The following PRELID2 variants were observed in gnomAD, a reference collection of about 807,000 sequenced individuals.
PRELID2 encodes PRELI domain-containing protein 2.
Under a neutral mutation model 28.4 loss-of-function variants are expected in PRELID2, and 25 were observed. That is an observed-to-expected ratio of 0.88 (90% CI 0.64 to 1.23). The LOEUF is 1.23. PRELID2 is among the 50% of genes most tolerant of loss of function. The probability of loss-of-function intolerance (pLI) is 0.00; values close to 1 mark genes in which losing one functional copy is unlikely to be tolerated. For synonymous variants in PRELID2, 76 were observed against 71.6 expected (o/e 1.06, Z -0.31); for missense variants, 201 against 214.4 (o/e 0.94, Z 0.39).
At chr5:145,338,614 T>C in the PRELID2 span, among the ~76,000 whole-genome samples, 4 of 152,228 alleles carry the variant, frequency 2.6e-5, no homozygotes, top group African/African-American at 9.6e-5. Flanking sequence ...CATAGGTAGA[T>C]ATATATTTTT....
At chr5:145,808,407 T>G (rs1400194702) in intron 4 of PRELID2, among the ~76,000 whole-genome samples, 1 of 152,082 alleles carries the variant, frequency 6.6e-6, no homozygotes, top group African/African-American at 2.4e-5. Flanking sequence ...CCAAAAAATA[T>G]GCCCAATTAG....
At chr5:145,733,432 G>C (rs537018953) in intron 1 of PRELID2, among the ~76,000 whole-genome samples, 17 of 152,274 alleles carry the variant, frequency 1.1e-4, no homozygotes, top group Middle Eastern at 3.4e-3. Flanking sequence ...GGTTAATTGA[G>C]AAAGTGAATA....
chr5:145,724,136 T>C (rs772846377), intron 1 of PRELID2, among the ~76,000 whole-genome samples: 1 of 152,112 alleles, frequency 6.6e-6, no homozygotes, highest in African/African-American at 2.4e-5. Context: ...AGTAGTTAAT[T>C]ACAAAGGGAA....
chr5:145,277,801 C>T, the PRELID2 span, among the ~76,000 whole-genome samples: 1 of 152,296 alleles, frequency 6.6e-6, no homozygotes, highest in Middle Eastern at 3.4e-3. Flanking sequence ...CTCACTGGGC[C>T]ATTCTAGCTT....
the PRELID2 span, among the ~76,000 whole-genome samples, chr5:145,388,393 G>C: frequency 6.6e-6 from 1 of 152,104 alleles, no homozygotes; most frequent in East Asian, 1.9e-4. Flanking sequence ...CAACTAACAA[G>C]TATCTAGGCA....
At chr5:145,719,174 T>C (rs1755920486) in intron 1 of PRELID2, among the ~76,000 whole-genome samples, 1 of 151,840 alleles carries the variant, frequency 6.6e-6, no homozygotes, top group South Asian at 2.1e-4. Context: ...TGAAGGCATT[T>C]GTAGAGAATG....
At chr5:145,376,365 G>T in the PRELID2 span, among the ~76,000 whole-genome samples, 3 of 152,016 alleles carry the variant, frequency 2.0e-5, no homozygotes, top group Non-Finnish European at 4.4e-5. Flanking sequence ...CTCTTTTTCT[G>T]TTATGTCTTT....
the PRELID2 span, among the ~76,000 whole-genome samples, chr5:145,347,036 A>G: frequency 6.6e-6 from 1 of 152,124 alleles, no homozygotes. Context: ...CTATGTGTGT[A>G]TCGGAAGGGG....
chr5:145,660,201 G>A (rs981845932), intron 1 of PRELID2, among the ~76,000 whole-genome samples: 1 of 152,188 alleles, frequency 6.6e-6, no homozygotes, highest in Non-Finnish European at 1.5e-5. Context: ...GGACAGCACA[G>A]TGGTTAAGAG....
chr5:145,347,717 C>T, the PRELID2 span, among the ~76,000 whole-genome samples: 1 of 151,968 alleles, frequency 6.6e-6, no homozygotes, highest in South Asian at 2.1e-4. Flanking sequence ...AATACCACCC[C>T]TGTTTGAAAG....
intron 1 of PRELID2, among the ~76,000 whole-genome samples, chr5:145,575,538 T>A (rs1753053461): frequency 6.6e-6 from 1 of 152,184 alleles, no homozygotes; most frequent in African/African-American, 2.4e-5. Flanking sequence ...CTTTCTATAG[T>A]TTCCTCTTTC....
At chr5:145,674,872 T>A (rs1754782856) in intron 1 of PRELID2, among the ~76,000 whole-genome samples, 1 of 151,792 alleles carries the variant, frequency 6.6e-6, no homozygotes, top group Non-Finnish European at 1.5e-5. Context: ...GACGTGGGGG[T>A]TTCAGTGAAC....
At chr5:145,661,238 C>A (rs989591771) in intron 1 of PRELID2, among the ~76,000 whole-genome samples, 1 of 152,112 alleles carries the variant, frequency 6.6e-6, no homozygotes, top group Non-Finnish European at 1.5e-5. Flanking sequence ...TCTGCCTTAA[C>A]TTTGACTTTC....
intron 5 of PRELID2, among the ~76,000 whole-genome samples, chr5:145,777,745 C>A (rs535367546): frequency 6.6e-6 from 1 of 152,272 alleles, no homozygotes; most frequent in South Asian, 2.1e-4. Context: ...CAGGTAGAAA[C>A]CCTGCCCCCA....
chr5:145,240,695 G>A, the PRELID2 span, among the ~76,000 whole-genome samples: 1 of 151,928 alleles, frequency 6.6e-6, no homozygotes, highest in African/African-American at 2.4e-5. Flanking sequence ...GGGCCAAAGG[G>A]CAAATCCCAT....
At chr5:145,349,586 ATAT>A in the PRELID2 span, among the ~76,000 whole-genome samples, 1 of 152,154 alleles carries the variant, frequency 6.6e-6, no homozygotes, top group Non-Finnish European at 1.5e-5. Flanking sequence ...GGACAAAAAC[ATAT>A]TATCTTCCCA....
chr5:145,340,332 A>G, the PRELID2 span, among the ~76,000 whole-genome samples: 86 of 152,238 alleles, frequency 5.6e-4, no homozygotes, highest in Non-Finnish European at 1.6e-4. Context: ...CATGGACTGC[A>G]TGGGTTCCGG....
At chr5:145,540,427 A>G (rs1432723182) in intron 1 of PRELID2, among the ~76,000 whole-genome samples, 1 of 152,020 alleles carries the variant, frequency 6.6e-6, no homozygotes, top group African/African-American at 2.4e-5. Flanking sequence ...TTGTGGTACT[A>G]TCCATAAAGG....
chr5:145,762,476 A>G (rs769131195), intron 6 of PRELID2, among the ~76,000 whole-genome samples: 23 of 152,116 alleles, frequency 1.5e-4, no homozygotes, highest in Non-Finnish European at 3.4e-4. Flanking sequence ...GGTCAAGGCT[A>G]TGGTGAGCCG....
Sources: allele counts gnomAD v4.1 joint callset (sites outside exome capture counted in the v4.1 genomes callset), GRCh38; gene constraint gnomAD v4.1.1; transcripts MANE v1.5; gene names NCBI Gene and HGNC (gene_info 2026-07-23, HGNC 2026-07-21).